Variants in HYDIN observed in about 807,000 individuals in gnomAD.
The protein encoded by HYDIN is axonemal central pair apparatus protein HYDIN.
Under a neutral mutation model 403.9 loss-of-function variants are expected in HYDIN, and 132 were observed. The ratio of observed to expected loss-of-function variants is 0.33; its 90% CI spans 0.28 to 0.38. The LOEUF (loss-of-function observed/expected upper bound fraction) is 0.38, where lower values mean the gene tolerates loss of function less well. Ranked by LOEUF, HYDIN falls within the 10% of genes least tolerant of loss-of-function variation. HYDIN has a pLI of 1.00. For missense variants in HYDIN, 2,827 were observed against 5,009.5 expected, an observed-to-expected ratio of 0.56 and a Z score of 13.15; for synonymous variants, 1,202 against 1,891.7, an observed-to-expected ratio of 0.64 and a Z score of 9.46.
chr16:71,026,826 G>C (rs951694794), intron 20 of HYDIN, among the ~76,000 whole-genome samples: 6 of 152,148 alleles, frequency 3.9e-5, no homozygotes, highest in African/African-American at 1.4e-4. Context: ...GGGAGACAAA[G>C]TTCTTTTTGC....
intron 84 of HYDIN, among the ~76,000 whole-genome samples, chr16:70,813,183 C>A (rs1378993130): frequency 6.6e-6 from 1 of 152,154 alleles, no homozygotes; most frequent in Non-Finnish European, 1.5e-5. Flanking sequence ...GAACTCCTGA[C>A]CTTGTGATCC....
chr16:71,098,445 G>A (rs980046888), intron 10 of HYDIN, among the ~76,000 whole-genome samples: 6 of 151,514 alleles, frequency 4.0e-5, no homozygotes, highest in East Asian at 1.9e-4. Context: ...CTCAAGATCC[G>A]CCCGCCTCAG....
chr16:70,901,814 G>C (rs1346302760), intron 52 of HYDIN, among the ~76,000 whole-genome samples: 1 of 152,068 alleles, frequency 6.6e-6, no homozygotes, highest in Non-Finnish European at 1.5e-5. Flanking sequence ...TTGAACTCCT[G>C]ACCTCGTGAT....
chr16:70,882,821 G>C lies in HYDIN; in HGVS notation c.10054C>G (p.Leu3352Val). The change falls in exon 60 of 86, where the codon CTG (leucine) becomes GTG (valine). Residue 3352 changes from leucine to valine, a missense_variant. Transcript: ENST00000393567. ...ICTSANLHHI[L>V]QTIESGGLFV... ...AGCCCCCCGCTCTCTATGGTCTGCA[G>C]GATGTGGTGCAGGTTGGCACTGGTA... 6.5e-7 allele frequency: 1 copy of C among 1,528,556 alleles called. No individual in the cohort carries two copies. 94.7% of individuals were successfully genotyped at this position (1,528,556 alleles called of 1,614,324 possible). A position where few individuals can be genotyped will look rare whatever the true frequency, so the allele number is the denominator to read the frequency against.
At chr16:71,209,966 C>A (rs549796034) in intron 1 of HYDIN, among the ~76,000 whole-genome samples, 20 of 152,282 alleles carry the variant, frequency 1.3e-4, no homozygotes, top group African/African-American at 4.8e-4. Flanking sequence ...CTGCCCAAAG[C>A]AATTTATAGA....
chr16:71,078,991 C>G (rs940751533), intron 13 of HYDIN, among the ~76,000 whole-genome samples: 1 of 152,224 alleles, frequency 6.6e-6, no homozygotes, highest in Non-Finnish European at 1.5e-5. Context: ...CCACTAAGTA[C>G]TCACCAATGG....
intron 13 of HYDIN, among the ~76,000 whole-genome samples, chr16:71,069,713 G>A (rs2883833): frequency 0.46 from 69,941 of 151,522 alleles, 17,553 homozygotes; most frequent in African/African-American, 0.68. Flanking sequence ...TTTCATTTAT[G>A]CATTCACTCA....
In HYDIN at chr16:70,964,710, T is replaced by C. The variant is rs1304310568; in HGVS notation, c.5788+18A>G. ...AGGCAATGGTTAGCATGAGGTGTTC[T>C]CCACATTGAGTTCTCACCATTCTCC... On this transcript the variant is annotated intron_variant, in intron 37 of 85. Transcript: ENST00000393567. 1.2e-6 allele frequency: 2 copies of C among 1,612,514 alleles called. No individual in the cohort carries two copies. Among genetic ancestry groups the C allele is most frequent in the South Asian group, 2.2e-5 (2 of 91,014 alleles).
At chr16:71,223,736 C>G (rs1356780618) in intron 1 of HYDIN, among the ~76,000 whole-genome samples, 1 of 152,048 alleles carries the variant, frequency 6.6e-6, no homozygotes, top group Non-Finnish European at 1.5e-5. Flanking sequence ...AAATGCTCAT[C>G]AGTAGTTGTC....
rs149350767 is a variant in HYDIN at position 71,003,862 on chromosome 16, C to A, written c.3645-11652G>T. 4.4e-4 allele frequency among the ~76,000 whole-genome samples: 67 copies of A among 150,994 alleles called. No individual in the cohort carries two copies. The East Asian group carries it at 0.013, about 28-fold the overall frequency. ...ATCAATCCATCCTCCTCACTCGATT[C>A]TTTCATTAATTCTAGTAATTTGTCT... On this transcript the variant is annotated intron_variant, in intron 23 of 85. Transcript: ENST00000393567.
At chr16:70,902,130 T>C (rs546865352) in intron 52 of HYDIN, among the ~76,000 whole-genome samples, 2 of 149,258 alleles carry the variant, frequency 1.3e-5, no homozygotes, top group African/African-American at 5.0e-5. Flanking sequence ...TTGTTACTGA[T>C]GAAGCGTCAG....
At chr16:71,217,846 T>G (rs1327737165) in intron 1 of HYDIN, among the ~76,000 whole-genome samples, 1 of 152,188 alleles carries the variant, frequency 6.6e-6, no homozygotes, top group Non-Finnish European at 1.5e-5. Context: ...TTCACGCTGC[T>G]GAGGTCTGGT....
rs1333355787 is a variant in HYDIN at position 70,802,860 on chromosome 16, A to T, written c.*4720T>A. The T allele has an allele frequency of 6.6e-6, 1 of 152,220 alleles. No individual in the cohort carries two copies. Among genetic ancestry groups the T allele is most frequent in the East Asian group, 1.9e-4 (1 of 5,204 alleles). The allele number at this position is 152,220 out of a possible 1,614,324, so 9.4% of individuals were successfully genotyped here. A position where few individuals can be genotyped will look rare whatever the true frequency, so the allele number is the denominator to read the frequency against. ...TTCATAGTTGTTAAAACCTTTGCTG[A>T]CACAATCCTATGAATGAAGGTAGGT... On this transcript the variant is annotated 3_prime_UTR_variant, in exon 86 of 86. Coordinates refer to ENST00000393567, the MANE Select transcript of HYDIN (RefSeq NM_001270974.2).
intron 80 of HYDIN, among the ~76,000 whole-genome samples, chr16:70,832,535 C>G (rs1301099523): frequency 6.6e-6 from 1 of 151,762 alleles, no homozygotes; most frequent in Non-Finnish European, 1.5e-5. Context: ...GACGGATATA[C>G]CAAGGCCATT....
intron 5 of HYDIN, among the ~76,000 whole-genome samples, chr16:71,163,124 T>C (rs1427712160): frequency 2.9e-5 from 3 of 103,182 alleles, no homozygotes; most frequent in Admixed American, 9.4e-5. Context: ...TGTTTCTTTT[T>C]TTTTTTTTTT....
chr16:71,038,671 T>C (rs1188346487), intron 18 of HYDIN, among the ~76,000 whole-genome samples: 2 of 152,292 alleles, frequency 1.3e-5, no homozygotes, highest in Admixed American at 1.3e-4. Context: ...TTTAAAAAAA[T>C]TTCTTTTGAG....
At position 70,891,104 on chromosome 16, in the gene HYDIN, A is replaced by G. The variant is rs113048474; in HGVS notation, c.9656+542T>C. Among the ~76,000 whole-genome samples the G allele has an allele frequency of 2.6e-4, 40 of 152,248 alleles. 1 individual carries two copies. The highest frequency in any genetic ancestry group is 9.1e-4 in the African/African-American group (38 of 41,544). ...AAAATTTATGATATATTCTACAGGA[A>G]ATCTATGAAACCTGGAGTCAGAAGA... is the stretch of plus-strand genomic sequence containing the variant. On this transcript the variant is annotated intron_variant, in intron 57 of 85. Transcript: ENST00000393567.
intron 3 of HYDIN, 97 bp downstream of exon 3, chr16:71,184,768 G>C: frequency 9.8e-7 from 1 of 1,023,660 alleles, no homozygotes; most frequent in Non-Finnish European, 1.4e-6. Context: ...CCCAATAAAG[G>C]ATTAGGTAGC....
intron 29 of HYDIN, among the ~76,000 whole-genome samples, chr16:70,980,750 G>C (rs1284328753): frequency 6.6e-6 from 1 of 151,836 alleles, no homozygotes; most frequent in Admixed American, 6.6e-5. Flanking sequence ...AGGTTTCCCT[G>C]ATCCATCGTC....
Sources: gnomAD v4.1 joint callset for allele counts (sites outside exome capture counted in the v4.1 genomes callset) on GRCh38, gnomAD v4.1.1 for gene constraint, MANE v1.5 for transcripts, NCBI Gene and HGNC (gene_info 2026-07-23, HGNC 2026-07-21) for gene names.